BOLL: variants seen among roughly 807,000 people sequenced by gnomAD.
The protein encoded by BOLL is protein boule-like.
A neutral mutation model predicts 44.4 loss-of-function variants in BOLL; 23 were observed. The ratio of observed to expected loss-of-function variants is 0.52; its 90% CI spans 0.37 to 0.73. The LOEUF (loss-of-function observed/expected upper bound fraction) is 0.73, where lower values mean the gene tolerates loss of function less well. Among genes scored for constraint, BOLL ranks in the 30% least tolerant of loss-of-function variants. The pLI, the probability that BOLL is intolerant of heterozygous loss-of-function variation, is 0.00. For synonymous variants in BOLL, 97 were observed against 110.8 expected, an observed-to-expected ratio of 0.88 and a Z score of 0.78; for missense variants, 287 against 338.3, an observed-to-expected ratio of 0.85 and a Z score of 1.19.
intron 3 of BOLL, among the ~76,000 whole-genome samples, 170 bp downstream of exon 3, chr2:197,778,805 T>TACACACACACACACACACACAC (rs71964015): frequency 2.1e-5 from 3 of 143,490 alleles, no homozygotes; most frequent in African/African-American, 7.6e-5. Context: ...CCCTCCAAAA[T>TACACACACACACACACACACAC]ACACACACAC....
intron 9 of BOLL, among the ~76,000 whole-genome samples, chr2:197,754,286 A>T (rs1002615864): frequency 5.9e-5 from 9 of 151,374 alleles, no homozygotes; most frequent in Non-Finnish European, 8.9e-5. Context: ...AAAGTATAAT[A>T]AAAAAAAATG....
Position 197,729,427 on chromosome 2 carries a change from A to C in BOLL, c.829-849T>G, listed in dbSNP as rs577816056. The stretch of plus-strand genomic sequence containing the variant: ...TTGCCCAGGCTTGATTAGGTAAACA[A>C]AGCAGCTGGGAAGCTCCAACTGGGT... On this transcript the variant is annotated intron_variant, in intron 10 of 10. Transcript: ENST00000392296. Among the ~76,000 whole-genome samples the C allele has an allele frequency of 5.0e-3, 759 of 152,274 alleles. 10 individuals carry two copies. The highest frequency in any genetic ancestry group is 0.017 in the African/African-American group (720 of 41,550).
At chr2:197,775,147 A>G (rs1309735354) in intron 5 of BOLL, among the ~76,000 whole-genome samples, 1 of 151,814 alleles carries the variant, frequency 6.6e-6, no homozygotes, top group Non-Finnish European at 1.5e-5. Flanking sequence ...CATTAGAGAA[A>G]TTTGAGGAAG....
At chr2:197,746,128 GC>G (rs1687977639) in intron 9 of BOLL, among the ~76,000 whole-genome samples, 1 of 152,176 alleles carries the variant, frequency 6.6e-6, no homozygotes, top group African/African-American at 2.4e-5. Context: ...GATAAAAAGG[GC>G]TTTACAAGGA....
intron 10 of BOLL, among the ~76,000 whole-genome samples, chr2:197,742,661 T>G (rs1687803005): frequency 6.6e-6 from 1 of 151,654 alleles, no homozygotes; most frequent in South Asian, 2.1e-4. Flanking sequence ...CCGGGGACTG[T>G]TGTGGGGTGG....
At chr2:197,774,313 C>T (rs1173048793) in intron 5 of BOLL, 27 of 162,474 alleles carry the variant, frequency 1.7e-4, no homozygotes, top group Non-Finnish European at 2.7e-5. Flanking sequence ...ATTTGCAATT[C>T]CAGTATGCTG....
chr2:197,782,493 A>C (rs1356134290), intron 1 of BOLL, among the ~76,000 whole-genome samples: 1 of 152,186 alleles, frequency 6.6e-6, no homozygotes, highest in Non-Finnish European at 1.5e-5. Context: ...TTCCTTTTAG[A>C]TAAAAGTTAA....
At chr2:197,737,641 A>G (rs1687554320) in intron 10 of BOLL, among the ~76,000 whole-genome samples, 2 of 152,154 alleles carry the variant, frequency 1.3e-5, no homozygotes, top group African/African-American at 4.8e-5. Context: ...GAGTCTCTAA[A>G]TTGATTCATA....
At chr2:197,757,296 T>C in intron 8 of BOLL, 57 bp downstream of exon 8, 2 of 1,459,410 alleles carry the variant, frequency 1.4e-6, no homozygotes, top group Non-Finnish European at 1.9e-6. Context: ...CATGCAGTCA[T>C]CACAAGAATA....
At chr2:197,761,508 T>A (rs1052882094) in intron 7 of BOLL, among the ~76,000 whole-genome samples, 3 of 152,074 alleles carry the variant, frequency 2.0e-5, no homozygotes, top group Non-Finnish European at 4.4e-5. Context: ...AGAACCCAGC[T>A]GCAAAAAATC....
At chr2:197,777,679 A>C (rs1689581335) in intron 3 of BOLL, among the ~76,000 whole-genome samples, 1 of 151,886 alleles carries the variant, frequency 6.6e-6, no homozygotes, top group African/African-American at 2.4e-5. Context: ...AATTAACTTC[A>C]AGCACAATTC....
intron 9 of BOLL, among the ~76,000 whole-genome samples, chr2:197,747,582 C>CAAAAA (rs59385223): frequency 2.5e-4 from 15 of 60,186 alleles, no homozygotes; most frequent in East Asian, 6.3e-4. Flanking sequence ...GACTCGGGCT[C>CAAAAA]AAAAAAAAAA....
rs550637120 is a variant in BOLL, at chr2:197,760,431, C to A, written c.553-3031G>T. Among the ~76,000 whole-genome samples, 23 of 152,326 alleles carry A rather than the reference C, an allele frequency of 1.5e-4. No individual in the cohort carries two copies. In the South Asian group the frequency reaches 4.6e-3, roughly 30 times the overall value. On this transcript the variant is annotated intron_variant, in intron 7 of 10. Transcript: ENST00000392296. ...CCCAGGCCAGCGAAGGAGCCATGTG[C>A]CTGCATACCAGACCTGAGAAACAGC...
chr2:197,773,392 T>C (rs1326240929), intron 5 of BOLL, among the ~76,000 whole-genome samples: 1 of 151,858 alleles, frequency 6.6e-6, no homozygotes, highest in East Asian at 1.9e-4. Flanking sequence ...AAATTAGACA[T>C]GAGATGGTCT....
intron 7 of BOLL, among the ~76,000 whole-genome samples, chr2:197,762,824 G>A (rs1293156024): frequency 3.3e-5 from 5 of 152,096 alleles, no homozygotes; most frequent in Non-Finnish European, 5.9e-5. Flanking sequence ...CTAGGAACTA[G>A]AAGAGCAAGA....
chr2:197,772,233 A>G (rs1234511467), intron 5 of BOLL, among the ~76,000 whole-genome samples: 1 of 152,092 alleles, frequency 6.6e-6, no homozygotes, highest in East Asian at 1.9e-4. Context: ...AATAAGAAAT[A>G]CCAAAAATGT....
chr2:197,732,452 T>G (rs1165371014), intron 10 of BOLL, among the ~76,000 whole-genome samples: 4 of 152,012 alleles, frequency 2.6e-5, no homozygotes, highest in Non-Finnish European at 5.9e-5. Context: ...CCTCCCTAAC[T>G]CATTTTATGA....
At chr2:197,781,259 A>G (rs755899220) in intron 2 of BOLL, among the ~76,000 whole-genome samples, 16 of 152,186 alleles carry the variant, frequency 1.1e-4, no homozygotes, top group Non-Finnish European at 1.3e-4. Context: ...TTTGCAAAGA[A>G]TAGATGCCTA....
intron 10 of BOLL, among the ~76,000 whole-genome samples, chr2:197,733,741 G>A (rs1322327546): frequency 6.6e-6 from 1 of 152,094 alleles, no homozygotes; most frequent in Non-Finnish European, 1.5e-5. Flanking sequence ...AATGGTGCTG[G>A]GAAAACTGGC....
Sources: gnomAD v4.1 joint callset for allele counts (sites outside exome capture counted in the v4.1 genomes callset) on GRCh38, gnomAD v4.1.1 for gene constraint, MANE v1.5 for transcripts, NCBI Gene and HGNC (gene_info 2026-07-23, HGNC 2026-07-21) for gene names.